The following CPLX2 variants were observed in gnomAD, a reference collection of about 807,000 sequenced individuals.
The protein encoded by CPLX2 is complexin-2.
A neutral mutation model predicts 16.3 loss-of-function variants in CPLX2; 5 were observed. The observed-to-expected ratio is 0.31, with a 90% confidence interval of 0.16 to 0.64. The LOEUF (loss-of-function observed/expected upper bound fraction) is 0.64. Among genes scored for constraint, CPLX2 ranks in the 30% least tolerant of loss-of-function variants. CPLX2 has a pLI of 0.79. For missense variants in CPLX2, 144 were observed against 181.4 expected (o/e 0.79, Z 1.18); for synonymous variants, 89 against 73.2 (o/e 1.22, Z -1.10).
chr5:175,835,074 A>C (rs962440795), intron 2 of CPLX2, among the ~76,000 whole-genome samples: 1 of 152,222 alleles, frequency 6.6e-6, no homozygotes, highest in African/African-American at 2.4e-5. Flanking sequence ...AGCAGGATAC[A>C]TCAATTTTAA....
At chr5:175,854,714 A>C (rs1018437928) in intron 2 of CPLX2, among the ~76,000 whole-genome samples, 6 of 152,250 alleles carry the variant, frequency 3.9e-5, no homozygotes, top group Non-Finnish European at 8.8e-5. Context: ...AAGATAAGTA[A>C]ACATCCCAAG....
intron 1 of CPLX2, among the ~76,000 whole-genome samples, chr5:175,797,209 C>G (rs985068850): frequency 6.6e-6 from 1 of 152,152 alleles, no homozygotes; most frequent in African/African-American, 2.4e-5. Context: ...AGCCGCGGGT[C>G]TGGGGCCCCC....
At chr5:175,846,914 T>G (rs1357392963) in intron 2 of CPLX2, among the ~76,000 whole-genome samples, 3 of 152,212 alleles carry the variant, frequency 2.0e-5, no homozygotes, top group Admixed American at 1.3e-4. Context: ...CCTGAAAGTT[T>G]CCAGGGGCAG....
chr5:175,798,007 C>T (rs1326318250), intron 1 of CPLX2, among the ~76,000 whole-genome samples: 3 of 152,254 alleles, frequency 2.0e-5, no homozygotes, highest in Non-Finnish European at 2.9e-5. Flanking sequence ...GCCTAGGGGG[C>T]AGGGGTGATT....
chr5:175,834,508 T>C (rs1758789679), intron 2 of CPLX2, among the ~76,000 whole-genome samples: 1 of 151,800 alleles, frequency 6.6e-6, no homozygotes, highest in Admixed American at 6.6e-5. Context: ...CATGCTTGGG[T>C]GGGAGGAAGC....
chr5:175,866,059 T>C (rs1343971860), intron 2 of CPLX2, among the ~76,000 whole-genome samples: 1 of 152,244 alleles, frequency 6.6e-6, no homozygotes, highest in African/African-American at 2.4e-5. Context: ...AAAATTGTCT[T>C]TCTGAGCATG....
intron 2 of CPLX2, among the ~76,000 whole-genome samples, chr5:175,856,414 C>T (rs1226364961): frequency 6.6e-6 from 1 of 152,186 alleles, no homozygotes; most frequent in Non-Finnish European, 1.5e-5. Flanking sequence ...GACTTGCCTA[C>T]AGTCACCCAG....
chr5:175,871,464 A>AGAAAAAGAGAGAGAGAGAGAGG (rs1561790473), upstream of CPLX2: 1 of 93,234 alleles, frequency 1.1e-5, no homozygotes, highest in Non-Finnish European at 2.4e-5. Flanking sequence ...AGAGAGAGAG[A>AGAAAAAGAGAGAGAGAGAGAGG]GAGAGAGAGA....
rs367798360 is a variant in CPLX2, at chr5:175,883,551, C to A, written c.*3506C>A. 6.6e-6 allele frequency: 1 copy of A among 152,234 alleles called. No individual in the cohort carries two copies. The highest frequency in any genetic ancestry group is 1.5e-5 in the Non-Finnish European group (1 of 68,096). The allele number at this position is 152,234 out of a possible 1,614,324, so 9.4% of individuals were successfully genotyped here. Reference sequence around the variant, plus strand: ...CCTCCAGCCCCAATAGCCCTAGTACCCAGCTGGCAGGGTTGCCCACCCCTG... The same window carrying A: ...CCTCCAGCCCCAATAGCCCTAGTACACAGCTGGCAGGGTTGCCCACCCCTG... On this transcript the variant is annotated 3_prime_UTR_variant, in exon 4 of 4. Coordinates refer to ENST00000393745, the MANE Select transcript of CPLX2 (RefSeq NM_001008220.2).
chr5:175,808,282 T>C (rs1253174346), intron 1 of CPLX2, among the ~76,000 whole-genome samples: 1 of 152,150 alleles, frequency 6.6e-6, no homozygotes, highest in Non-Finnish European at 1.5e-5. Flanking sequence ...AAATATGTGA[T>C]ACCAAATCTA....
chr5:175,836,204 G>T (rs994767215), intron 2 of CPLX2, among the ~76,000 whole-genome samples: 1 of 152,078 alleles, frequency 6.6e-6, no homozygotes, highest in African/African-American at 2.4e-5. Context: ...CAAAAAATTA[G>T]CTGGGCGTGG....
chr5:175,875,317 A>T (rs1759731483), intron 1 of CPLX2, among the ~76,000 whole-genome samples: 1 of 152,162 alleles, frequency 6.6e-6, no homozygotes, highest in Admixed American at 6.5e-5. Context: ...TGAGGTACAA[A>T]GAGAGGGAAT....
chr5:175,816,130 C>T (rs1267561359), intron 2 of CPLX2, among the ~76,000 whole-genome samples: 2 of 152,190 alleles, frequency 1.3e-5, no homozygotes, highest in African/African-American at 4.8e-5. Context: ...GGCTCCGCCA[C>T]TATGCAGCAG....
In CPLX2 at chr5:175,830,285, C is replaced by T. The variant is rs1397870405; in HGVS notation, c.-89+21217C>T. Among the ~76,000 whole-genome samples the T allele has an allele frequency of 6.6e-6, 1 of 152,160 alleles. No individual in the cohort carries two copies. The highest frequency in any genetic ancestry group is 1.5e-5 in the Non-Finnish European group (1 of 68,032). ...GGCATCTTTTGTGGCTGAATTTTCA[C>T]AACTCATGAGAGAGGAAGAGATGAT... On this transcript the variant is annotated intron_variant, in intron 2 of 4. Transcript: ENST00000359546. The surrounding 1 kb of genome is among the most constrained non-coding windows in gnomAD (Gnocchi z 4.0).
upstream of CPLX2, chr5:175,871,462 A>AGAGAGAGAGAGAGAGAGAGAGAGG (rs1759610926): frequency 7.3e-6 from 1 of 136,238 alleles, no homozygotes; most frequent in Non-Finnish European, 1.6e-5. Context: ...AGAGAGAGAG[A>AGAGAGAGAGAGAGAGAGAGAGAGG]GAGAGAGAGA....
intron 2 of CPLX2, among the ~76,000 whole-genome samples, chr5:175,848,521 T>C (rs535460269): frequency 1.8e-4 from 28 of 151,924 alleles, no homozygotes; most frequent in Non-Finnish European, 3.7e-4. Context: ...GAGGGAGGCA[T>C]GGGCAGAGTA....
chr5:175,817,306 G>A (rs1413626279), intron 2 of CPLX2, among the ~76,000 whole-genome samples: 2 of 152,184 alleles, frequency 1.3e-5, no homozygotes, highest in East Asian at 1.9e-4. Context: ...ACCCTTCACC[G>A]CTCTGAGTTT....
chr5:175,827,757 C>T (rs1758646669), intron 2 of CPLX2, among the ~76,000 whole-genome samples: 1 of 152,008 alleles, frequency 6.6e-6, no homozygotes, highest in Non-Finnish European at 1.5e-5. Context: ...GACTCCGTCT[C>T]AATAAATAAA....
chr5:175,847,351 G>A (rs1475920721), intron 2 of CPLX2, among the ~76,000 whole-genome samples: 4 of 152,134 alleles, frequency 2.6e-5, no homozygotes, highest in African/African-American at 9.7e-5. Flanking sequence ...GAGAAGCAGG[G>A]GCTGGGTCCG....
Sources: gnomAD v4.1 joint callset for allele counts (sites outside exome capture counted in the v4.1 genomes callset) on GRCh38, gnomAD v4.1.1 for gene constraint, Gnocchi (gnomAD v3.1) non-coding constraint, MANE v1.5 for transcripts, NCBI Gene and HGNC (gene_info 2026-07-23, HGNC 2026-07-21) for gene names.